ETFA: variants seen among roughly 807,000 people sequenced by gnomAD.
ETFA encodes electron transfer flavoprotein subunit alpha, also known as electron transfer flavoprotein subunit alpha, mitochondrial.
Under a neutral mutation model 46.2 loss-of-function variants are expected in ETFA, and 22 were observed. That is an observed-to-expected ratio of 0.48 (90% CI 0.34 to 0.68). ETFA has a LOEUF of 0.68. Ranked by LOEUF, ETFA falls within the 30% of genes least tolerant of loss-of-function variation. ETFA has a pLI of 0.01. For synonymous variants in ETFA, 131 were observed against 139.9 expected (o/e 0.94, Z 0.45); for missense variants, 345 against 401.1 (o/e 0.86, Z 1.19).
intron 1 of ETFA, among the ~76,000 whole-genome samples, chr15:76,298,346 A>T (rs2039847373): frequency 6.6e-6 from 1 of 152,096 alleles, no homozygotes; most frequent in Non-Finnish European, 1.5e-5. Flanking sequence ...CCTAGCCAAG[A>T]TTAGAGATTT....
At chr15:76,254,152 G>T (rs1260862185) in intron 9 of ETFA, among the ~76,000 whole-genome samples, 2 of 152,194 alleles carry the variant, frequency 1.3e-5, no homozygotes, top group African/African-American at 4.8e-5. Context: ...AGATACTCTG[G>T]ATAGAAACCT....
At chr15:76,222,597 T>C (rs1031160063) in intron 11 of ETFA, among the ~76,000 whole-genome samples, 3 of 152,086 alleles carry the variant, frequency 2.0e-5, no homozygotes, top group African/African-American at 7.2e-5. Flanking sequence ...ATAGTAGTGG[T>C]GAGCCACCCA....
At chr15:76,302,945 AG>A (rs1189887416) in intron 1 of ETFA, among the ~76,000 whole-genome samples, 1 of 152,170 alleles carries the variant, frequency 6.6e-6, no homozygotes, top group Non-Finnish European at 1.5e-5. Flanking sequence ...CCTCCTGAGT[AG>A]CTAGGACTAC....
Position 76,225,895 on chromosome 15 carries a change from G to A in ETFA, c.917C>T (p.Pro306Leu), listed in dbSNP as rs768924673. ...TCCATAATCTGCCACTTGGAAAATT[G>A]GAGCTTCTGGGTCTTTATTAATTGC... The part of the protein sequence containing the change: ...IVAINKDPEA[P>L]IFQVADYGIV... The change falls in exon 11 of 12, where the codon CCA becomes CTA. Residue 306 changes from proline to leucine, a missense_variant. Transcript: ENST00000557943. The A allele has an allele frequency of 2.5e-6, 4 of 1,611,772 alleles. No homozygotes were observed. The Admixed American group carries it at 6.7e-5, about 27-fold the overall frequency.
At chr15:76,226,180 T>C in intron 10 of ETFA, 1 of 381,958 alleles carries the variant, frequency 2.6e-6, no homozygotes, top group Non-Finnish European at 4.7e-6. Context: ...AGTTCTTCTT[T>C]TGACTTACAA....
intron 11 of ETFA, among the ~76,000 whole-genome samples, chr15:76,218,428 C>T (rs371888511): frequency 7.2e-5 from 11 of 152,110 alleles, no homozygotes; most frequent in East Asian, 3.9e-4. Context: ...CCACCACACC[C>T]GGCTAATTTT....
At chr15:76,263,576 G>A (rs894480663) in intron 9 of ETFA, among the ~76,000 whole-genome samples, 5 of 152,212 alleles carry the variant, frequency 3.3e-5, no homozygotes, top group African/African-American at 1.2e-4. Flanking sequence ...TCACTCTTTA[G>A]TACAGTAAAG....
intron 9 of ETFA, among the ~76,000 whole-genome samples, chr15:76,249,435 A>AT (rs375408996): frequency 2.9e-4 from 22 of 74,802 alleles, no homozygotes; most frequent in African/African-American, 1.2e-3. Context: ...GTCCATGGTA[A>AT]TTTTTTTTTT....
intron 10 of ETFA, chr15:76,228,195 T>C (rs1347422299): frequency 2.8e-6 from 1 of 356,332 alleles, no homozygotes; most frequent in African/African-American, 2.1e-5. Flanking sequence ...GTTATTATCA[T>C]TATTACTTTG....
In ETFA at chr15:76,216,529, A is replaced by T. The variant is rs1447948661; in HGVS notation, c.*30T>A. The T allele has an allele frequency of 7.3e-7, 1 of 1,361,306 alleles. No individual in the cohort carries two copies. Among genetic ancestry groups the T allele is most frequent in the South Asian group, 1.2e-5 (1 of 85,700 alleles). 84.3% of individuals were successfully genotyped at this position (1,361,306 alleles called of 1,614,324 possible). On this transcript the variant is annotated 3_prime_UTR_variant, in exon 12 of 12. Transcript: ENST00000557943. ...GTGATTTCAGTGGAATACTTTAACA[A>T]AAGTTTTCTTTTTAAGGCATGATCC...
chr15:76,264,890 C>T (rs956069358), intron 9 of ETFA, among the ~76,000 whole-genome samples: 1 of 152,236 alleles, frequency 6.6e-6, no homozygotes, highest in African/African-American at 2.4e-5. Flanking sequence ...CATCCATCAA[C>T]AGAAAAGTCC....
chr15:76,259,720 C>T, intron 9 of ETFA: 1 of 1,433,536 alleles, frequency 7.0e-7, no homozygotes, highest in South Asian at 1.2e-5. Flanking sequence ...CGGTCATGTC[C>T]CCTGCCAGCA....
intron 9 of ETFA, chr15:76,260,300 G>A: frequency 8.2e-7 from 1 of 1,221,262 alleles, no homozygotes; most frequent in Non-Finnish European, 1.2e-6. Context: ...GCTCTCCCCG[G>A]GAAATGACAC....
At chr15:76,261,929 G>A (rs959638548) in intron 9 of ETFA, among the ~76,000 whole-genome samples, 8 of 152,182 alleles carry the variant, frequency 5.3e-5, no homozygotes, top group South Asian at 2.1e-4. Context: ...TAGGTGGATC[G>A]CTTGAGCCTA....
At chr15:76,306,369 C>A (rs1170098035) in intron 1 of ETFA, among the ~76,000 whole-genome samples, 1 of 149,446 alleles carries the variant, frequency 6.7e-6, no homozygotes, top group Non-Finnish European at 1.5e-5. Context: ...TGGGTTCAAG[C>A]AATTCTCCTG....
chr15:76,310,082 A>AAAAAAAAAAAAAAAC (rs2039978807), intron 1 of ETFA: 1 of 160,176 alleles, frequency 6.2e-6, no homozygotes, highest in Non-Finnish European at 1.3e-5. Flanking sequence ...AAAAAAAAAA[A>AAAAAAAAAAAAAAAC]AAAAAAAAAA....
intron 9 of ETFA, chr15:76,261,204 A>G (rs1460328828): frequency 6.5e-7 from 1 of 1,542,334 alleles, no homozygotes; most frequent in East Asian, 2.3e-5. Flanking sequence ...CAATGGTAAC[A>G]GGTTCAGGGG....
Position 76,219,908 on chromosome 15 carries a change from G to A in ETFA, c.964-3311C>T, listed in dbSNP as rs557503351. Among the ~76,000 whole-genome samples the A allele has an allele frequency of 2.0e-5, 3 of 152,290 alleles. No homozygotes were observed. In the East Asian group the frequency reaches 5.8e-4, roughly 29 times the overall value. On this transcript the variant is annotated intron_variant, in intron 11 of 11. Coordinates refer to ENST00000557943, the MANE Select transcript of ETFA (RefSeq NM_000126.4). ...AACGTAAAATCATGCAACTTCTATG[G>A]AAAGCAGTTTGAAGGTTCTTCAAAA...
intron 8 of ETFA, among the ~76,000 whole-genome samples, chr15:76,280,814 G>C (rs1434663583): frequency 6.6e-6 from 1 of 151,702 alleles, no homozygotes; most frequent in Non-Finnish European, 1.5e-5. Flanking sequence ...TCCTGCGTTA[G>C]ACAGGCTCTG....
Sources: allele counts gnomAD v4.1 joint callset (sites outside exome capture counted in the v4.1 genomes callset), GRCh38; gene constraint gnomAD v4.1.1; transcripts MANE v1.5; gene names NCBI Gene and HGNC (gene_info 2026-07-23, HGNC 2026-07-21).